The following LATS2 variants were observed in gnomAD, a reference collection of about 807,000 sequenced individuals.
The protein encoded by LATS2 is serine/threonine-protein kinase LATS2.
LATS2 carries 24 observed loss-of-function variants against 76.0 expected under a neutral mutation model. The observed-to-expected ratio is 0.32, with a 90% CI of 0.23 to 0.44. LATS2 has a LOEUF of 0.44. Among genes scored for constraint, LATS2 ranks in the 20% least tolerant of loss-of-function variants. The pLI is 1.00. For missense variants in LATS2, 1,286 were observed against 1,481.2 expected (o/e 0.87, Z 2.16); for synonymous variants, 692 against 635.4 (o/e 1.09, Z -1.34).
chr13:21,010,201 A>AAAC lies in LATS2; in HGVS notation c.343-18798_343-18797insGTT, dbSNP rs1555225649. ...GGCCATGGAGCTAGACTCTGTCAAA[A>AAAC]AAACAAACAAACAAACAAACAAAAA... On this transcript the variant is annotated intron_variant, in intron 2 of 7. Coordinates refer to ENST00000382592, the MANE Select transcript of LATS2 (RefSeq NM_014572.3). 2.4e-3 allele frequency among the ~76,000 whole-genome samples: 361 copies of AAAC among 150,720 alleles called. 1 individual carries two copies. Among genetic ancestry groups the AAAC allele is most frequent in the African/African-American group, 5.8e-3 (235 of 40,814 alleles).
intron 2 of LATS2, among the ~76,000 whole-genome samples, chr13:21,019,946 C>A (rs1441775566): frequency 6.7e-5 from 10 of 150,320 alleles, no homozygotes; most frequent in African/African-American, 2.5e-4. Flanking sequence ...TGCACCCCAG[C>A]CTGCGTAACA....
chr13:21,023,855 T>A (rs1180555629), intron 2 of LATS2, among the ~76,000 whole-genome samples: 1 of 151,100 alleles, frequency 6.6e-6, no homozygotes, highest in Admixed American at 6.6e-5. Flanking sequence ...TGCCTATAAT[T>A]TCAGCTATTC....
At chr13:21,034,344 TG>T (rs1429944813) in intron 2 of LATS2, among the ~76,000 whole-genome samples, 4 of 152,096 alleles carry the variant, frequency 2.6e-5, no homozygotes, top group Non-Finnish European at 5.9e-5. Context: ...TGCATTGGGG[TG>T]GCCACGTGCC....
In LATS2 at chr13:21,045,903, T is replaced by A. The variant is rs767028106; in HGVS notation, c.124A>T (p.Asn42Tyr). The change falls in exon 2 of 8, where the codon AAC becomes TAC. Residue 42 changes from asparagine to tyrosine, a missense_variant. Physicochemically the swap from Asn to Tyr is moderately radical, Grantham distance 143. Around this residue, in one of 5 missense-constraint regions of LATS2, gnomAD observed 101 missense variants for 141.4 expected, o/e 0.71. Transcript: ENST00000382592. ...SSVQGLPAGP[N>Y]SDTSLDAKVL... ...TTGGCATCCAGGGAAGTGTCACTGTTTGGTCCTGCGGGTAGCCCCTGAACC... is the reference window on the plus strand; with the variant it reads ...TTGGCATCCAGGGAAGTGTCACTGTATGGTCCTGCGGGTAGCCCCTGAACC... 1 of 1,614,232 alleles carries A rather than the reference T, an allele frequency of 6.2e-7. No individual in the cohort carries two copies. Among genetic ancestry groups the A allele is most frequent in the Non-Finnish European group, 8.5e-7 (1 of 1,180,038 alleles).
intron 2 of LATS2, among the ~76,000 whole-genome samples, chr13:21,029,823 G>A (rs1237008085): frequency 1.3e-5 from 2 of 152,114 alleles, no homozygotes; most frequent in African/African-American, 2.4e-5. Flanking sequence ...GGGGATGGGC[G>A]TAGTGGCTCA....
At chr13:21,057,299 T>C (rs1192863276) in intron 1 of LATS2, among the ~76,000 whole-genome samples, 1 of 152,236 alleles carries the variant, frequency 6.6e-6, no homozygotes, top group Non-Finnish European at 1.5e-5. Flanking sequence ...AAAATTCCCA[T>C]GTATGTCAAA....
chr13:21,029,555 G>A (rs901439693), intron 2 of LATS2, among the ~76,000 whole-genome samples: 130 of 152,208 alleles, frequency 8.5e-4, no homozygotes, highest in African/African-American at 2.9e-3. Flanking sequence ...GACTTTGGGA[G>A]GCCAAGGCAG....
At chr13:21,026,930 A>G (rs1872328854) in intron 2 of LATS2, among the ~76,000 whole-genome samples, 1 of 152,202 alleles carries the variant, frequency 6.6e-6, no homozygotes, top group South Asian at 2.1e-4. Context: ...ATGAGTATAT[A>G]GTAGTATCTC....
intron 2 of LATS2, among the ~76,000 whole-genome samples, chr13:21,031,357 A>C (rs1422596416): frequency 6.6e-6 from 1 of 152,158 alleles, no homozygotes; most frequent in African/African-American, 2.4e-5. Flanking sequence ...TCATCCCACA[A>C]GTCACTGAGA....
intron 7 of LATS2, among the ~76,000 whole-genome samples, chr13:20,976,970 G>T (rs1287806399): frequency 6.6e-6 from 1 of 152,176 alleles, no homozygotes; most frequent in Non-Finnish European, 1.5e-5. Context: ...AGAACCGGAA[G>T]CAGGGACTCA....
intron 1 of LATS2, among the ~76,000 whole-genome samples, chr13:21,057,620 C>T (rs902366787): frequency 7.9e-5 from 12 of 151,294 alleles, no homozygotes; most frequent in African/African-American, 2.4e-4. Flanking sequence ...GGTGAAACCC[C>T]GTCTCTACTA....
At chr13:21,024,056 C>T (rs1411617791) in intron 2 of LATS2, among the ~76,000 whole-genome samples, 1 of 118,480 alleles carries the variant, frequency 8.4e-6, no homozygotes, top group East Asian at 2.4e-4. Flanking sequence ...AGGGAGTTTA[C>T]AGACCTTCCC....
chr13:21,052,702 A>G (rs1873314433), intron 1 of LATS2, among the ~76,000 whole-genome samples: 4 of 152,200 alleles, frequency 2.6e-5, no homozygotes, highest in Admixed American at 2.6e-4. Context: ...AGAAAGTTAA[A>G]GTAGCTTTCT....
chr13:20,998,212 GGCATGGTGGTGGGT>G (rs1289712929), intron 2 of LATS2, among the ~76,000 whole-genome samples: 1 of 152,022 alleles, frequency 6.6e-6, no homozygotes, highest in Non-Finnish European at 1.5e-5. Context: ...AAATTAGCTG[GGCATGGTGGTGGGT>G]GCCTGTAGTT....
rs751345722 is a variant in LATS2 at position 20,989,310 on chromosome 13, G to A, written c.476-6C>T. The A allele has an allele frequency of 5.0e-6, 8 of 1,613,470 alleles. No individual in the cohort carries two copies. The highest frequency in any genetic ancestry group is 1.6e-4 in the Middle Eastern group (1 of 6,084). ...GGTTGGCATGAGCCCCTTTCCTGCA[G>A]TGGAAAAAACAGGAAGACAGCATCA... On this transcript the variant is annotated splice_region_variant and splice_polypyrimidine_tract_variant and intron_variant, in intron 3 of 7. Coordinates refer to ENST00000382592, the MANE Select transcript of LATS2 (RefSeq NM_014572.3).
intron 2 of LATS2, among the ~76,000 whole-genome samples, chr13:21,000,979 G>C (rs531440857): frequency 2.0e-5 from 3 of 152,196 alleles, no homozygotes; most frequent in Admixed American, 6.5e-5. Flanking sequence ...TTGTTAAAGA[G>C]AGCATGACAA....
In LATS2 at chr13:20,989,188, C is replaced by T. The variant is rs759073395; in HGVS notation, c.592G>A (p.Ala198Thr). 3.1e-6 allele frequency: 5 copies of T among 1,613,498 alleles called. No homozygotes were observed. The highest frequency in any genetic ancestry group is 2.2e-5 in the South Asian group (2 of 91,080). The stretch of plus-strand genomic sequence containing the variant: ...TCCTCCAGCGCCGTGGGGCCGTCAG[C>T]GCCGAAGCTTGGGCCCTCGTAGGGG... ...GTPYEGPSFG[A>T]DGPTALEEMP... The change falls in exon 4 of 8, where the codon GCT (alanine) becomes ACT (threonine). Residue 198 changes from alanine to threonine, a missense_variant. Physicochemically the swap from Ala to Thr is moderately conservative, Grantham distance 58. Transcript: ENST00000382592.
chr13:20,981,305 G>GGA (rs1565941786), intron 6 of LATS2, among the ~76,000 whole-genome samples, 161 bp downstream of exon 6: 1 of 152,192 alleles, frequency 6.6e-6, no homozygotes, highest in Non-Finnish European at 1.5e-5. Flanking sequence ...AGGACAGGAG[G>GGA]GAGGCTTGTA....
intron 2 of LATS2, among the ~76,000 whole-genome samples, chr13:21,013,886 G>A (rs765673390): frequency 2.6e-5 from 4 of 152,094 alleles, no homozygotes; most frequent in Admixed American, 6.6e-5. Flanking sequence ...TGGGAGGATC[G>A]CTTGAGCCCA....
Sources: gnomAD v4.1 joint callset for allele counts (sites outside exome capture counted in the v4.1 genomes callset) on GRCh38, gnomAD v4.1.1 for gene constraint, gnomAD v4.1.1 regional missense constraint, MANE v1.5 for transcripts, NCBI Gene and HGNC (gene_info 2026-07-23, HGNC 2026-07-21) for gene names.